APP: variants seen among roughly 807,000 people sequenced by gnomAD.
APP encodes the protein amyloid beta precursor protein.
APP carries 31 observed loss-of-function variants against 101.4 expected under a neutral mutation model. The observed-to-expected ratio is 0.31, with a 90% CI of 0.23 to 0.41. APP has a LOEUF of 0.41. Ranked by LOEUF, APP falls within the 10% of genes least tolerant of loss-of-function variation. The pLI, the probability that APP is intolerant of heterozygous loss-of-function variation, is 1.00. For synonymous variants in APP, 366 were observed against 364.4 expected (o/e 1.00, Z -0.05); for missense variants, 839 against 1,003.7 (o/e 0.84, Z 2.22).
At chr21:25,888,202 G>T (rs1285142598) in intron 17 of APP, among the ~76,000 whole-genome samples, 4 of 152,190 alleles carry the variant, frequency 2.6e-5, no homozygotes, top group Non-Finnish European at 5.9e-5. Context: ...GCCAGAGCCG[G>T]AAATAAAGGT....
intron 1 of APP, among the ~76,000 whole-genome samples, chr21:26,115,934 C>G (rs1008182936): frequency 6.6e-5 from 10 of 152,150 alleles, no homozygotes; most frequent in Non-Finnish European, 1.0e-4. Context: ...TAACACTATT[C>G]TAAGGTGAGT....
chr21:25,893,073 T>C (rs910419032), intron 16 of APP, among the ~76,000 whole-genome samples: 2 of 152,240 alleles, frequency 1.3e-5, no homozygotes, highest in African/African-American at 2.4e-5. Flanking sequence ...TATTTAAATA[T>C]TCAAACATTA....
At chr21:26,029,202 A>G (rs1177346057) in intron 5 of APP, among the ~76,000 whole-genome samples, 1 of 152,178 alleles carries the variant, frequency 6.6e-6, no homozygotes, top group Admixed American at 6.5e-5. Flanking sequence ...CATTTCTTAC[A>G]GCAACTGGAA....
intron 7 of APP, 44 bp downstream of exon 7, chr21:25,999,971 G>A (rs776641360): frequency 8.1e-6 from 13 of 1,604,578 alleles, no homozygotes; most frequent in Middle Eastern, 1.7e-4. Flanking sequence ...AGTCAGTGGC[G>A]AGAGAGACGA....
At chr21:26,166,871 T>TGAGAGAGAGAGAGAGAGA (rs559340452) in intron 1 of APP, among the ~76,000 whole-genome samples, 3 of 135,286 alleles carry the variant, frequency 2.2e-5, no homozygotes, top group Middle Eastern at 3.8e-3. Context: ...GTCACTCAAG[T>TGAGAGAGAGAGAGAGAGA]GAGAGAGAGA....
At chr21:25,970,194 C>T (rs1254974691) in intron 11 of APP, among the ~76,000 whole-genome samples, 1 of 151,634 alleles carries the variant, frequency 6.6e-6, no homozygotes, top group African/African-American at 2.4e-5. Context: ...ATGCGGAGGC[C>T]CACAATAAGC....
chr21:26,058,383 T>C (rs763623035), intron 3 of APP, among the ~76,000 whole-genome samples: 23 of 152,222 alleles, frequency 1.5e-4, no homozygotes, highest in Non-Finnish European at 2.2e-4. Context: ...GCAGAGCACA[T>C]TGTCACCCTG....
intron 5 of APP, among the ~76,000 whole-genome samples, chr21:26,033,262 G>T (rs2044925811): frequency 6.6e-6 from 1 of 152,174 alleles, no homozygotes; most frequent in Non-Finnish European, 1.5e-5. Flanking sequence ...TCGTGACAGT[G>T]AGGGAGTTCT....
chr21:25,955,648 T>C lies in APP; in HGVS notation c.1566A>G (p.Lys522=), dbSNP rs200663376. ...FEHVRMVDPK[K]AAQIRSQVMT... ...TTACCTGGGACCGGATCTGAGCGGCTTTCTTGGGATCCACCATGCGCACAT... is the reference window on the plus strand; with the variant it reads ...TTACCTGGGACCGGATCTGAGCGGCCTTCTTGGGATCCACCATGCGCACAT... The change falls in exon 12 of 18, where the codon AAA becomes AAG. Residue 522 remains lysine (K), a synonymous_variant. Coordinates refer to ENST00000346798, the MANE Select transcript of APP (RefSeq NM_000484.4). The C allele has an allele frequency of 4.3e-6, 7 of 1,614,044 alleles. No individual in the cohort carries two copies. The South Asian group carries it at 5.5e-5, about 13-fold the overall frequency.
At chr21:26,027,797 A>G (rs1453988141) in intron 5 of APP, among the ~76,000 whole-genome samples, 2 of 147,374 alleles carry the variant, frequency 1.4e-5, no homozygotes, top group African/African-American at 2.6e-5. Flanking sequence ...AAAAGGTTGA[A>G]AAGGGTTTCT....
At chr21:25,932,100 G>T (rs2040173349) in intron 13 of APP, among the ~76,000 whole-genome samples, 1 of 152,270 alleles carries the variant, frequency 6.6e-6, no homozygotes, top group Middle Eastern at 3.4e-3. Flanking sequence ...AAATCAGGCT[G>T]GTGTTATTGT....
At chr21:25,913,508 A>G (rs1051540449) in intron 13 of APP, among the ~76,000 whole-genome samples, 26 of 152,356 alleles carry the variant, frequency 1.7e-4, no homozygotes, top group African/African-American at 6.0e-4. Flanking sequence ...AAATTAAATG[A>G]GCATTTCTTT....
intron 3 of APP, among the ~76,000 whole-genome samples, chr21:26,085,562 G>A (rs1851814072): frequency 6.6e-6 from 1 of 152,162 alleles, no homozygotes; most frequent in Non-Finnish European, 1.5e-5. Flanking sequence ...CAATAAAAAT[G>A]TTTTTCCATC....
At chr21:26,001,243 CTCAAAG>C (rs762451014) in intron 6 of APP, among the ~76,000 whole-genome samples, 1 of 152,144 alleles carries the variant, frequency 6.6e-6, no homozygotes, top group Middle Eastern at 3.2e-3. Flanking sequence ...CCCTGATTGC[CTCAAAG>C]TCAATCAGTG....
intron 1 of APP, among the ~76,000 whole-genome samples, chr21:26,136,312 C>T (rs754185094): frequency 2.0e-5 from 3 of 151,994 alleles, no homozygotes; most frequent in Non-Finnish European, 2.9e-5. Context: ...GGCACGCACA[C>T]GATGGACAAT....
intron 5 of APP, among the ~76,000 whole-genome samples, chr21:26,040,605 T>TAA (rs35349551): frequency 8.0e-4 from 100 of 125,330 alleles, no homozygotes; most frequent in East Asian, 3.0e-3. Flanking sequence ...CCGTCTCCAT[T>TAA]AAAAAAAAAA....
chr21:26,165,621 T>A (rs1251422566), intron 1 of APP, among the ~76,000 whole-genome samples: 1 of 152,212 alleles, frequency 6.6e-6, no homozygotes, highest in Admixed American at 6.5e-5. Context: ...ACAACTCTGG[T>A]TCGTTCTACA....
chr21:25,997,442 C>T, intron 7 of APP, 26 bp from the exon 8 acceptor site: 1 of 1,587,904 alleles, frequency 6.3e-7, no homozygotes, highest in Non-Finnish European at 8.6e-7. Flanking sequence ...GAGAACATAA[C>T]TAAAAACAAA....
At chr21:26,017,258 A>C (rs1024714288) in intron 6 of APP, among the ~76,000 whole-genome samples, 2 of 149,890 alleles carry the variant, frequency 1.3e-5, no homozygotes, top group Non-Finnish European at 3.0e-5. Context: ...CGGGGAAGTA[A>C]AATTTCCACC....
Sources: allele counts gnomAD v4.1 joint callset (sites outside exome capture counted in the v4.1 genomes callset), GRCh38; gene constraint gnomAD v4.1.1; transcripts MANE v1.5; gene names NCBI Gene and HGNC (gene_info 2026-07-23, HGNC 2026-07-21).